APOOL: variants seen among roughly 807,000 people sequenced by gnomAD.
The protein encoded by APOOL is apolipoprotein O like.
APOOL carries 12 observed loss-of-function variants against 23.1 expected under a neutral mutation model. The ratio of observed to expected loss-of-function variants is 0.52; its 90% confidence interval spans 0.33 to 0.84. The LOEUF (loss-of-function observed/expected upper bound fraction) is 0.84, where lower values mean the gene tolerates loss of function less well. Among genes scored for constraint, APOOL ranks in the 40% least tolerant of loss-of-function variants. The probability of loss-of-function intolerance (pLI) is 0.02; values close to 1 mark genes in which losing one functional copy is unlikely to be tolerated. For synonymous variants in APOOL, 77 were observed against 69.9 expected (o/e 1.10, Z -0.51); for missense variants, 212 against 199.6 (o/e 1.06, Z -0.37).
intron 5 of APOOL, among the ~76,000 whole-genome samples, chrX:85,062,842 ATG>A (rs1923287108): frequency 9.0e-6 from 1 of 111,181 alleles, no homozygotes; most frequent in African/African-American, 3.3e-5. Flanking sequence ...TCCTGGCTAT[ATG>A]AGCTCTTTGT....
chrX:85,082,619 C>G (rs1359692208), intron 8 of APOOL, among the ~76,000 whole-genome samples: 1 of 111,259 alleles, frequency 9.0e-6, no homozygotes, highest in South Asian at 3.9e-4. Flanking sequence ...ACATGAAATT[C>G]AGATCTCAAT....
At chrX:85,068,798 G>A (rs1257612261) in intron 6 of APOOL, among the ~76,000 whole-genome samples, 2 of 111,110 alleles carry the variant, frequency 1.8e-5, no homozygotes, top group Non-Finnish European at 3.8e-5. Flanking sequence ...TTTCAGAAAA[G>A]TTTAGGAAAA....
At chrX:85,020,816 C>T (rs1338232881) in intron 1 of APOOL, among the ~76,000 whole-genome samples, 1 of 111,776 alleles carries the variant, frequency 8.9e-6, no homozygotes, top group Non-Finnish European at 1.9e-5. Flanking sequence ...CCTGCAGATA[C>T]AGCCTGAAAG....
chrX:85,068,418 T>C (rs1274818895), intron 6 of APOOL, among the ~76,000 whole-genome samples: 1 of 104,876 alleles, frequency 9.5e-6, no homozygotes, highest in Admixed American at 1.0e-4. Context: ...TTTTCTTTTT[T>C]TTTTTGAGAT....
chrX:85,080,084 A>G (rs1423620109), intron 8 of APOOL, among the ~76,000 whole-genome samples: 10 of 111,400 alleles, frequency 9.0e-5, no homozygotes, highest in African/African-American at 2.6e-4. Context: ...TTGTGTCTCT[A>G]TCTTTTTCAG....
chrX:85,084,810 G>A (rs1924233752), intron 8 of APOOL, among the ~76,000 whole-genome samples: 1 of 111,867 alleles, frequency 8.9e-6, no homozygotes, highest in African/African-American at 3.2e-5. Flanking sequence ...TATAAATTAA[G>A]GAAGTATTTA....
chrX:85,044,613 C>T (rs758203982), intron 1 of APOOL, among the ~76,000 whole-genome samples: 22 of 111,153 alleles, frequency 2.0e-4, no homozygotes, highest in African/African-American at 3.6e-4. Context: ...TTGTGCCATA[C>T]TGCCTCCTCA....
Position 85,033,226 on chromosome X carries a change from T to A in APOOL, c.16-13220T>A, listed in dbSNP as rs1352767273. On this transcript the variant is annotated intron_variant, in intron 1 of 8. Coordinates refer to ENST00000373173, the MANE Select transcript of APOOL (RefSeq NM_198450.6). ...TGCTGGTATTTGTGTTCTTTACTTG[T>A]ATCCAAATACTTTCTGGTGCATAGT... Among the ~76,000 whole-genome samples the A allele has an allele frequency of 5.3e-5, 6 of 112,370 alleles. No homozygotes were observed. The East Asian group carries it at 1.1e-3, about 21-fold the overall frequency.
At chrX:85,050,289 A>T (rs1922718989) in intron 2 of APOOL, among the ~76,000 whole-genome samples, 1 of 111,878 alleles carries the variant, frequency 8.9e-6, no homozygotes, top group Non-Finnish European at 1.9e-5. Context: ...ATAAAATTGT[A>T]TGCATTTACC....
At chrX:85,071,465 T>C (rs1923662264) in intron 6 of APOOL, among the ~76,000 whole-genome samples, 1 of 110,760 alleles carries the variant, frequency 9.0e-6, no homozygotes, top group Non-Finnish European at 1.9e-5. Context: ...AGAAATATGT[T>C]GGGATAATTG....
intron 6 of APOOL, among the ~76,000 whole-genome samples, chrX:85,068,550 C>T (rs985344625): frequency 3.7e-5 from 4 of 108,408 alleles, no homozygotes; most frequent in African/African-American, 1.3e-4. Flanking sequence ...GGATTACAGG[C>T]TCCCACCACC....
chrX:85,036,334 C>A (rs748066985), intron 1 of APOOL, among the ~76,000 whole-genome samples: 25 of 111,814 alleles, frequency 2.2e-4, no homozygotes, highest in African/African-American at 7.8e-4. Flanking sequence ...ATTTTGTATC[C>A]CAAAACTTCG....
intron 2 of APOOL, 80 bp downstream of exon 2, chrX:85,046,630 C>A: frequency 1.2e-6 from 1 of 821,860 alleles, no homozygotes; most frequent in Non-Finnish European, 1.7e-6. Context: ...ATTATCTTTG[C>A]CCATCAAAAA....
chrX:85,019,526 G>C (rs1386803376), intron 1 of APOOL, among the ~76,000 whole-genome samples: 1 of 112,085 alleles, frequency 8.9e-6, no homozygotes, highest in Non-Finnish European at 1.9e-5. Flanking sequence ...TTTTGTTATA[G>C]CAGCCCAAAG....
At chrX:85,074,893 A>T (rs983644267) in intron 8 of APOOL, among the ~76,000 whole-genome samples, 1 of 110,592 alleles carries the variant, frequency 9.0e-6, no homozygotes, top group African/African-American at 3.3e-5. Context: ...TATAATACTT[A>T]TAACATTGCT....
At chrX:85,032,552 G>A (rs1350015931) in intron 1 of APOOL, among the ~76,000 whole-genome samples, 1 of 109,431 alleles carries the variant, frequency 9.1e-6, no homozygotes, top group Non-Finnish European at 1.9e-5. Flanking sequence ...ATGTTTAATT[G>A]TGTAAATATA....
intron 2 of APOOL, 45 bp from the exon 3 acceptor site, chrX:85,051,344 G>A (rs772139712): frequency 8.3e-7 from 1 of 1,200,951 alleles, no homozygotes; most frequent in Non-Finnish European, 1.1e-6. Context: ...GTTATGGACA[G>A]TCCAGCTATT....
chrX:85,029,164 G>C (rs747224504), intron 1 of APOOL, among the ~76,000 whole-genome samples: 1 of 111,391 alleles, frequency 9.0e-6, no homozygotes, highest in African/African-American at 3.3e-5. Flanking sequence ...ATATACAAGG[G>C]TTCCCTTTTC....
At chrX:85,005,225 C>T (rs924654641) in intron 1 of APOOL, among the ~76,000 whole-genome samples, 9 of 110,936 alleles carry the variant, frequency 8.1e-5, no homozygotes, top group African/African-American at 2.6e-4. Context: ...CTCACTGCAA[C>T]CTCCACCTCC....
Sources: allele counts gnomAD v4.1 joint callset (sites outside exome capture counted in the v4.1 genomes callset), GRCh38; gene constraint gnomAD v4.1.1; transcripts MANE v1.5; gene names NCBI Gene and HGNC (gene_info 2026-07-23, HGNC 2026-07-21).